Variants in ITGA1 observed in about 807,000 individuals in gnomAD.
ITGA1 encodes the protein integrin subunit alpha 1, also known as integrin alpha-1.
A neutral mutation model predicts 145.9 loss-of-function variants in ITGA1; 85 were observed. The observed-to-expected ratio is 0.58, with a 90% CI of 0.49 to 0.70. The LOEUF is 0.70. ITGA1 is among the 30% of genes least tolerant of loss of function. ITGA1 has a pLI of 0.00. For missense variants in ITGA1, 1,351 were observed against 1,418.7 expected (o/e 0.95, Z 0.77); for synonymous variants, 520 against 495.3 (o/e 1.05, Z -0.66).
Position 52,861,437 on chromosome 5 carries a change from T to C in ITGA1, c.183-10T>C. 4 of 1,555,560 alleles carry C rather than the reference T, an allele frequency of 2.6e-6. No individual in the cohort carries two copies. The highest frequency in any genetic ancestry group is 2.7e-6 in the Non-Finnish European group (3 of 1,130,046). The stretch of plus-strand genomic sequence containing the variant: ...GTTCAAAAATGTTTACTGATTTATT[T>C]AACTTCCAGGGTGCTTATTGGTTCT... On this transcript the variant is annotated splice_polypyrimidine_tract_variant and intron_variant, in intron 2 of 28. Coordinates refer to ENST00000282588, the MANE Select transcript of ITGA1 (RefSeq NM_181501.2).
In ITGA1 at chr5:52,926,771, C is replaced by A. The variant is rs888667888; in HGVS notation, c.2614-813C>A. Among the ~76,000 whole-genome samples, 3 of 152,084 alleles carry A rather than the reference C, an allele frequency of 2.0e-5. No homozygotes were observed. The East Asian group carries it at 5.8e-4, about 29-fold the overall frequency. ...ATAGCTAAAAAATCTGACAGTGCAT[C>A]TCTTCTGTGTATATTAACAGTAACA... On this transcript the variant is annotated intron_variant, in intron 19 of 28. Coordinates refer to ENST00000282588, the MANE Select transcript of ITGA1 (RefSeq NM_181501.2).
At chr5:52,817,219 C>T (rs1022668595) in intron 1 of ITGA1, among the ~76,000 whole-genome samples, 1 of 152,064 alleles carries the variant, frequency 6.6e-6, no homozygotes, top group Non-Finnish European at 1.5e-5. Context: ...TTTAATATAA[C>T]AAAAGGGCTG....
chr5:52,827,824 G>A (rs940788279), intron 1 of ITGA1, among the ~76,000 whole-genome samples: 1 of 152,262 alleles, frequency 6.6e-6, no homozygotes, highest in African/African-American at 2.4e-5. Context: ...TATGCATATT[G>A]TTTTTGTAGA....
At position 52,892,835 on chromosome 5, in the gene ITGA1, A is replaced by G. The variant is rs572307932; in HGVS notation, c.925-840A>G. On this transcript the variant is annotated intron_variant, in intron 8 of 28. Coordinates refer to ENST00000282588, the MANE Select transcript of ITGA1 (RefSeq NM_181501.2). Reference sequence around the variant, plus strand: ...TATCGGTGGTTGCCAGGGTTGAACGAGGGGAGGAAGGGATTGACTATAGGG... The same window carrying G: ...TATCGGTGGTTGCCAGGGTTGAACGGGGGGAGGAAGGGATTGACTATAGGG... 2.9e-3 allele frequency among the ~76,000 whole-genome samples: 434 copies of G among 152,106 alleles called. 1 individual carries two copies. Among genetic ancestry groups the G allele is most frequent in the Non-Finnish European group, 4.7e-3 (317 of 67,954 alleles).
chr5:52,854,211 A>G (rs1052364060), intron 2 of ITGA1, among the ~76,000 whole-genome samples: 1 of 152,172 alleles, frequency 6.6e-6, no homozygotes, highest in Non-Finnish European at 1.5e-5. Flanking sequence ...AGGTCAGGGT[A>G]CCAATGGGCT....
intron 6 of ITGA1, among the ~76,000 whole-genome samples, chr5:52,881,493 A>C (rs2111804048): frequency 6.6e-6 from 1 of 152,192 alleles, no homozygotes; most frequent in East Asian, 1.9e-4. Context: ...CACAGTTTGC[A>C]ATTGTTCATG....
chr5:52,824,769 C>A (rs1748934845), intron 1 of ITGA1: 1 of 152,116 alleles, frequency 6.6e-6, no homozygotes, highest in South Asian at 2.1e-4. Context: ...AAAATAAAGA[C>A]AGAAGATCCT....
At chr5:52,874,823 T>A (rs990216903) in intron 6 of ITGA1, among the ~76,000 whole-genome samples, 1 of 152,216 alleles carries the variant, frequency 6.6e-6, no homozygotes, top group African/African-American at 2.4e-5. Flanking sequence ...CATGATGGTA[T>A]GTCATAAATA....
chr5:52,797,081 A>C (rs183514042), intron 1 of ITGA1, among the ~76,000 whole-genome samples: 256 of 152,220 alleles, frequency 1.7e-3, no homozygotes, highest in Non-Finnish European at 2.6e-3. Context: ...ATCCAAAATG[A>C]ATCAAAATAA....
At chr5:52,818,274 G>T (rs1216954277) in intron 1 of ITGA1, among the ~76,000 whole-genome samples, 1 of 152,094 alleles carries the variant, frequency 6.6e-6, no homozygotes, top group Non-Finnish European at 1.5e-5. Flanking sequence ...ATATTCTGTT[G>T]AGTTGCTGGT....
At position 52,849,424 on chromosome 5, in the gene ITGA1, G is replaced by T. The variant is rs374090897; in HGVS notation, c.121G>T (p.Gly41Cys). ...VDVKNSMTFS[G>C]PVEDMFGYTV... ...TGTGAAAAATTCAATGACTTTCAGCGGCCCGGTGGAAGACATGTTTGGATA... is the reference window on the plus strand; with the variant it reads ...TGTGAAAAATTCAATGACTTTCAGCTGCCCGGTGGAAGACATGTTTGGATA... The change falls in exon 2 of 29, where the codon GGC becomes TGC. Residue 41 changes from glycine (G) to cysteine (C), a missense_variant. Gly to Cys is a radical substitution (Grantham distance 159, BLOSUM62 -3). Coordinates refer to ENST00000282588, the MANE Select transcript of ITGA1 (RefSeq NM_181501.2). 1.2e-6 allele frequency: 2 copies of T among 1,611,570 alleles called. No individual in the cohort carries two copies. Among genetic ancestry groups the T allele is most frequent in the Non-Finnish European group, 8.5e-7 (1 of 1,178,940 alleles).
At chr5:52,865,887 A>G (rs547132572) in intron 6 of ITGA1, 70 bp downstream of exon 6, 16 of 1,274,846 alleles carry the variant, frequency 1.3e-5, no homozygotes, top group African/African-American at 9.3e-5. Context: ...ATAAAACCAA[A>G]TATTCTGAAA....
At chr5:52,911,906 GAT>G (rs1301671113) in intron 14 of ITGA1, among the ~76,000 whole-genome samples, 15 of 98,222 alleles carry the variant, frequency 1.5e-4, no homozygotes, top group Admixed American at 1.0e-3. Context: ...CTAATATATA[GAT>G]ATATATATTA....
At position 52,788,092 on chromosome 5, in the gene ITGA1, T is replaced by G; in HGVS notation, c.-262T>G. On this transcript the variant is annotated 5_prime_UTR_variant, in exon 1 of 29. Transcript: ENST00000282588. ...CGGACAGAGCCTGGGAAGCTGCCAGTGAGATTTCAGAGACCAAGAGCGCGA... is the reference window on the plus strand; with the variant it reads ...CGGACAGAGCCTGGGAAGCTGCCAGGGAGATTTCAGAGACCAAGAGCGCGA... The G allele has an allele frequency of 2.4e-6, 1 of 410,060 alleles. No homozygotes were observed. Among genetic ancestry groups the G allele is most frequent in the Non-Finnish European group, 4.3e-6 (1 of 230,022 alleles). The allele number at this position is 410,060 out of a possible 1,614,324, so 25.4% of individuals were successfully genotyped here.
At position 52,865,639 on chromosome 5, in the gene ITGA1, C is replaced by G. The variant is rs747097549; in HGVS notation, c.497-51C>G. On this transcript the variant is annotated intron_variant, in intron 5 of 28. Coordinates refer to ENST00000282588, the MANE Select transcript of ITGA1 (RefSeq NM_181501.2). ...TTCAGCCATGAAAGCACTTCATATG[C>G]CTCTGAAAAAAATAGATTCCAAATT... The G allele has an allele frequency of 2.3e-5, 32 of 1,404,350 alleles. No homozygotes were observed. The Middle Eastern group carries it at 5.7e-4, about 25-fold the overall frequency. The allele number at this position is 1,404,350 out of a possible 1,614,324, so 87.0% of individuals were successfully genotyped here. A position where few individuals can be genotyped will look rare whatever the true frequency, so the allele number is the denominator to read the frequency against.
intron 1 of ITGA1, among the ~76,000 whole-genome samples, chr5:52,812,221 T>C (rs1229499993): frequency 6.6e-6 from 1 of 152,232 alleles, no homozygotes; most frequent in Non-Finnish European, 1.5e-5. Flanking sequence ...TATGTATTTT[T>C]AAATTACTAT....
intron 1 of ITGA1, among the ~76,000 whole-genome samples, chr5:52,819,365 T>A (rs918045869): frequency 1.4e-3 from 207 of 152,318 alleles, no homozygotes; most frequent in Non-Finnish European, 2.4e-3. Flanking sequence ...GGTATCTCAT[T>A]GTGGTTTTGA....
intron 6 of ITGA1, among the ~76,000 whole-genome samples, chr5:52,866,422 A>T (rs1484529985): frequency 2.0e-5 from 3 of 152,354 alleles, no homozygotes; most frequent in Admixed American, 1.3e-4. Context: ...TTTAATTTTT[A>T]CTTAAAATGG....
At chr5:52,903,398 C>A (rs1750347272) in intron 11 of ITGA1, 1 of 151,874 alleles carries the variant, frequency 6.6e-6, no homozygotes, top group Admixed American at 6.6e-5. Context: ...GTTAGTAATA[C>A]AAACATGTAA....
Sources: gnomAD v4.1 joint callset for allele counts (sites outside exome capture counted in the v4.1 genomes callset) on GRCh38, gnomAD v4.1.1 for gene constraint, MANE v1.5 for transcripts, NCBI Gene and HGNC (gene_info 2026-07-23, HGNC 2026-07-21) for gene names.